The following TM9SF3 variants were observed in gnomAD, a reference collection of about 807,000 sequenced individuals.
The protein encoded by TM9SF3 is SM-11044-binding protein.
In TM9SF3, 14 loss-of-function variants were observed where a neutral mutation model predicts 78.6. That is an observed-to-expected ratio of 0.18 (90% confidence interval 0.12 to 0.28). TM9SF3 has a LOEUF of 0.28. Among genes scored for constraint, TM9SF3 ranks in the 10% least tolerant of loss-of-function variants. TM9SF3 has a pLI of 1.00. For missense variants in TM9SF3, 496 were observed against 721.9 expected (o/e 0.69, Z 3.59); for synonymous variants, 231 against 241.7 (o/e 0.96, Z 0.41).
Position 96,520,742 on chromosome 10 carries a change from C to T in TM9SF3, c.*1521G>A, listed in dbSNP as rs1847756665. On this transcript the variant is annotated 3_prime_UTR_variant, in exon 15 of 15. Coordinates refer to ENST00000371142, the MANE Select transcript of TM9SF3 (RefSeq NM_020123.4). ...GTTAACCACTTTTACCCCATCCCCA[C>T]TTTACACGGTACACCAACCTGAACA... 1 of 393,130 alleles carries T rather than the reference C, an allele frequency of 2.5e-6. No individual in the cohort carries two copies. Among genetic ancestry groups the T allele is most frequent in the African/African-American group, 2.1e-5 (1 of 48,398 alleles). The allele number at this position is 393,130 out of a possible 1,614,324, so 24.4% of individuals were successfully genotyped here. A position where few individuals can be genotyped will look rare whatever the true frequency, so the allele number is the denominator to read the frequency against.
At chr10:96,578,518 T>C (rs769705502) in intron 1 of TM9SF3, among the ~76,000 whole-genome samples, 4 of 152,220 alleles carry the variant, frequency 2.6e-5, no homozygotes, top group Non-Finnish European at 5.9e-5. Flanking sequence ...GAAAAACAAC[T>C]GTAGATAATC....
intron 7 of TM9SF3, 51 bp downstream of exon 7, chr10:96,551,194 A>C (rs374328227): frequency 1.0e-4 from 148 of 1,422,668 alleles, no homozygotes; most frequent in African/African-American, 1.0e-3. Flanking sequence ...CCAGTGATTA[A>C]AACTATTTAA....
rs1346364302 is a variant in TM9SF3, at chr10:96,565,294, C to A, written c.421+10G>T. 2.6e-6 allele frequency: 4 copies of A among 1,526,056 alleles called. No individual in the cohort carries two copies. The highest frequency in any genetic ancestry group is 3.5e-6 in the Non-Finnish European group (4 of 1,147,928). The allele number at this position is 1,526,056 out of a possible 1,614,324, so 94.5% of individuals were successfully genotyped here. On this transcript the variant is annotated intron_variant, in intron 3 of 14. Coordinates refer to ENST00000371142, the MANE Select transcript of TM9SF3 (RefSeq NM_020123.4). The stretch of plus-strand genomic sequence containing the variant: ...TTTCCCAAATCTTAAATACAACATA[C>A]AATACTTACCCCATATTGGTAAATC...
At chr10:96,556,018 C>G (rs1848230101) in intron 5 of TM9SF3, among the ~76,000 whole-genome samples, 1 of 152,126 alleles carries the variant, frequency 6.6e-6, no homozygotes, top group South Asian at 2.1e-4. Flanking sequence ...ATTTTCTAAT[C>G]TAAGATATAC....
At chr10:96,537,900 A>G (rs1034551448) in intron 9 of TM9SF3, among the ~76,000 whole-genome samples, 1 of 152,248 alleles carries the variant, frequency 6.6e-6, no homozygotes, top group African/African-American at 2.4e-5. Flanking sequence ...AGGTATCTAA[A>G]TAAGTTGAGA....
At chr10:96,535,724 C>T (rs140847898) in intron 9 of TM9SF3, among the ~76,000 whole-genome samples, 143 of 152,216 alleles carry the variant, frequency 9.4e-4, no homozygotes, top group Middle Eastern at 3.4e-3. Flanking sequence ...ATGTTGAGGG[C>T]CTCCCTTATC....
intron 1 of TM9SF3, among the ~76,000 whole-genome samples, chr10:96,585,831 C>T (rs1848622300): frequency 1.3e-5 from 2 of 152,196 alleles, no homozygotes; most frequent in Admixed American, 1.3e-4. Context: ...TCTCAATTTA[C>T]CTGACCTTCC....
At chr10:96,548,482 C>T (rs1848127110) in intron 7 of TM9SF3, among the ~76,000 whole-genome samples, 1 of 152,008 alleles carries the variant, frequency 6.6e-6, no homozygotes, top group Admixed American at 6.6e-5. Flanking sequence ...TGAGGCTTTC[C>T]CTGTTTCCCT....
chr10:96,569,784 A>G (rs941479943), intron 2 of TM9SF3, among the ~76,000 whole-genome samples: 3 of 152,248 alleles, frequency 2.0e-5, no homozygotes, highest in African/African-American at 7.2e-5. Flanking sequence ...CTGTAATCCC[A>G]GCATTTTGGG....
At chr10:96,549,860 C>G (rs1848147362) in intron 7 of TM9SF3, among the ~76,000 whole-genome samples, 1 of 129,266 alleles carries the variant, frequency 7.7e-6, no homozygotes, top group Non-Finnish European at 1.6e-5. Context: ...GTAACACTAA[C>G]ATTTTGAAAA....
intron 3 of TM9SF3, among the ~76,000 whole-genome samples, chr10:96,563,938 T>C (rs1191171448): frequency 6.6e-6 from 1 of 151,654 alleles, no homozygotes; most frequent in Admixed American, 6.6e-5. Flanking sequence ...CTATAATAAA[T>C]TTAACACAGG....
chr10:96,535,787 A>C (rs1179171525), intron 9 of TM9SF3, among the ~76,000 whole-genome samples: 4 of 152,142 alleles, frequency 2.6e-5, no homozygotes, highest in African/African-American at 9.7e-5. Context: ...TTAATACCCC[A>C]AAGATCTACA....
In TM9SF3 at chr10:96,575,743, AGG is replaced by A. The variant is rs201466105; in HGVS notation, c.298+889_298+890del. ...GAATACAGTACCAAAAAAAAAAAAAAGGAGGATTAAAATCCAAAGCTCCTGTT... is the reference window on the plus strand; with the variant it reads ...GAATACAGTACCAAAAAAAAAAAAAAAGGATTAAAATCCAAAGCTCCTGTT... On this transcript the variant is annotated intron_variant, in intron 2 of 14. Coordinates refer to ENST00000371142, the MANE Select transcript of TM9SF3 (RefSeq NM_020123.4). Among the ~76,000 whole-genome samples, 816 of 151,632 alleles carry A rather than the reference AGG, an allele frequency of 5.4e-3. 5 individuals are homozygous for A. Among genetic ancestry groups the A allele is most frequent in the African/African-American group, 0.019 (770 of 41,384 alleles).
At chr10:96,575,254 C>T (rs904644063) in intron 2 of TM9SF3, among the ~76,000 whole-genome samples, 21 of 152,124 alleles carry the variant, frequency 1.4e-4, no homozygotes, top group Admixed American at 3.9e-4. Flanking sequence ...AGAAAGCAGA[C>T]GATTACATAT....
At chr10:96,575,782 TG>T (rs1181054415) in intron 2 of TM9SF3, among the ~76,000 whole-genome samples, 1 of 148,784 alleles carries the variant, frequency 6.7e-6, no homozygotes, top group Non-Finnish European at 1.5e-5. Flanking sequence ...ACAGGATCCA[TG>T]ATGTATTCAA....
chr10:96,523,514 T>C (rs1226366606), intron 14 of TM9SF3, among the ~76,000 whole-genome samples: 1 of 151,844 alleles, frequency 6.6e-6, no homozygotes, highest in African/African-American at 2.4e-5. Context: ...AATTAGAATA[T>C]TATAACCACT....
chr10:96,568,911 G>A (rs368228235), intron 2 of TM9SF3, among the ~76,000 whole-genome samples: 1 of 152,106 alleles, frequency 6.6e-6, no homozygotes, highest in African/African-American at 2.4e-5. Flanking sequence ...ATCAGGCCAA[G>A]CGTGCTGGCT....
chr10:96,582,004 T>G (rs543209239), intron 1 of TM9SF3, among the ~76,000 whole-genome samples: 2 of 152,308 alleles, frequency 1.3e-5, no homozygotes, highest in South Asian at 4.1e-4. Context: ...GCTTCCACAC[T>G]GCATATCCTT....
At chr10:96,528,292 C>G in intron 11 of TM9SF3, 115 bp from the exon 12 acceptor site, 1 of 1,007,934 alleles carries the variant, frequency 9.9e-7, no homozygotes, top group Non-Finnish European at 1.4e-6. Flanking sequence ...GACTTTCTTT[C>G]AAGTATCTTC....
Sources: allele counts gnomAD v4.1 joint callset (sites outside exome capture counted in the v4.1 genomes callset), GRCh38; gene constraint gnomAD v4.1.1; transcripts MANE v1.5; gene names NCBI Gene and HGNC (gene_info 2026-07-23, HGNC 2026-07-21).